Variants in MYO9A observed in about 807,000 individuals in gnomAD.
MYO9A encodes the protein myosin IXA, also known as unconventional myosin-IXa.
MYO9A carries 103 observed loss-of-function variants against 293.3 expected under a neutral mutation model. The ratio of observed to expected loss-of-function variants is 0.35; its 90% CI spans 0.30 to 0.41. The LOEUF is 0.41. Ranked by LOEUF, MYO9A falls within the 10% of genes least tolerant of loss-of-function variation. The pLI is 1.00. For missense variants in MYO9A, 2,685 were observed against 3,033.0 expected (o/e 0.89, Z 2.69); for synonymous variants, 1,001 against 1,035.7 (o/e 0.97, Z 0.64).
At chr15:71,978,379 T>A in intron 11 of MYO9A, 87 bp from the exon 12 acceptor site, 2 of 1,087,496 alleles carry the variant, frequency 1.8e-6, no homozygotes, top group South Asian at 1.9e-5. Flanking sequence ...TTACCCTGCT[T>A]AAAATTCTAA....
chr15:71,848,441 A>T (rs1243369824), intron 39 of MYO9A, among the ~76,000 whole-genome samples: 1 of 152,160 alleles, frequency 6.6e-6, no homozygotes. Flanking sequence ...GTTACAAATG[A>T]TTAAGTTCTC....
chr15:71,889,493 T>C (rs1486586766), intron 26 of MYO9A: 1 of 148,276 alleles, frequency 6.7e-6, no homozygotes, highest in Non-Finnish European at 1.5e-5. Context: ...TCTTGCTCTG[T>C]TGCTCAGGCT....
chr15:71,908,085 G>A (rs1472050362), intron 19 of MYO9A, among the ~76,000 whole-genome samples: 2 of 152,146 alleles, frequency 1.3e-5, no homozygotes, highest in Admixed American at 6.6e-5. Flanking sequence ...TAGGTCTAAC[G>A]TTTAAGTCTT....
chr15:71,865,241 T>C (rs1221661155), intron 32 of MYO9A, among the ~76,000 whole-genome samples: 1 of 152,150 alleles, frequency 6.6e-6, no homozygotes, highest in African/African-American at 2.4e-5. Flanking sequence ...TTGTCAGTTG[T>C]TTTCCTTGAA....
At chr15:72,115,454 T>C (rs1037982749) in intron 1 of MYO9A, among the ~76,000 whole-genome samples, 1 of 152,144 alleles carries the variant, frequency 6.6e-6, no homozygotes, top group East Asian at 1.9e-4. Context: ...CCCACCTCAG[T>C]GAAAGGCACA....
chr15:71,975,289 T>A (rs950044707), intron 12 of MYO9A, among the ~76,000 whole-genome samples: 1 of 135,642 alleles, frequency 7.4e-6, no homozygotes, highest in African/African-American at 2.7e-5. Flanking sequence ...GCGTGGCCTA[T>A]GACATGATTT....
At chr15:72,016,582 C>A (rs984350183) in intron 6 of MYO9A, among the ~76,000 whole-genome samples, 1 of 152,118 alleles carries the variant, frequency 6.6e-6, no homozygotes, top group African/African-American at 2.4e-5. Context: ...TCTAATAACT[C>A]ACAGGGAAAC....
chr15:71,989,293 C>T (rs2076479183), intron 11 of MYO9A, among the ~76,000 whole-genome samples: 1 of 152,166 alleles, frequency 6.6e-6, no homozygotes, highest in Non-Finnish European at 1.5e-5. Flanking sequence ...TTTGTATCTA[C>T]ACTCTGTACT....
rs898663589 is a variant in MYO9A at position 72,083,164 on chromosome 15, C to T, written c.-72+34516G>A. On this transcript the variant is annotated intron_variant, in intron 1 of 41. Transcript: ENST00000356056. Reference sequence around the variant, plus strand: ...CCATCTGGTCCTGGGCTTTTTTGCTCGATGGGCTATTTATTACTGATTCAA... The same window carrying T: ...CCATCTGGTCCTGGGCTTTTTTGCTTGATGGGCTATTTATTACTGATTCAA... Among the ~76,000 whole-genome samples, 7 of 151,864 alleles carry T rather than the reference C, an allele frequency of 4.6e-5. No individual in the cohort carries two copies. In the East Asian group the frequency reaches 9.6e-4, roughly 21 times the overall value.
At chr15:71,871,293 C>T (rs756107773) in intron 32 of MYO9A, among the ~76,000 whole-genome samples, 1 of 151,878 alleles carries the variant, frequency 6.6e-6, no homozygotes, top group Non-Finnish European at 1.5e-5. Flanking sequence ...GAGGACTGCT[C>T]GAGCCCAAGA....
chr15:72,067,189 T>C (rs568727992), intron 1 of MYO9A, among the ~76,000 whole-genome samples: 1 of 149,148 alleles, frequency 6.7e-6, no homozygotes, highest in Non-Finnish European at 1.5e-5. Context: ...ATTAATATTA[T>C]TACTATATAA....
chr15:71,898,149 C>A lies in MYO9A; in HGVS notation c.4354G>T (p.Gly1452Trp). 1 of 1,614,084 alleles carries A rather than the reference C, an allele frequency of 6.2e-7. No individual in the cohort carries two copies. Among genetic ancestry groups the A allele is most frequent in the Non-Finnish European group, 8.5e-7 (1 of 1,180,018 alleles). ...TTGATATCCAAAGTAAGAGCTTCCC[C>A]CGCTGTGTCTTCATTTTCCAATAGT... is the stretch of plus-strand genomic sequence containing the variant. ...NKLLENEDTAGEALTLDINRE... is the reference protein window; with the variant it reads ...NKLLENEDTAWEALTLDINRE... Residue 1452 changes from glycine to tryptophan, a missense_variant, in exon 25 of 42, where the codon GGG becomes TGG. By Grantham distance (184) the Gly-to-Trp change is radical. This residue lies in a region of MYO9A where 1,434 missense variants were observed against 1,497.7 expected (regional missense o/e 0.96). Transcript: ENST00000356056.
intron 32 of MYO9A, among the ~76,000 whole-genome samples, chr15:71,875,098 T>C (rs1303476496): frequency 1.3e-5 from 2 of 152,064 alleles, no homozygotes; most frequent in Non-Finnish European, 2.9e-5. Context: ...TTGCACAAAT[T>C]ATCATAAACC....
intron 1 of MYO9A, among the ~76,000 whole-genome samples, chr15:72,111,397 G>A (rs1336677940): frequency 2.7e-5 from 4 of 150,436 alleles, no homozygotes; most frequent in South Asian, 2.1e-4. Flanking sequence ...GCTGAGGCAC[G>A]AGAATCACTT....
intron 31 of MYO9A, among the ~76,000 whole-genome samples, chr15:71,876,655 C>T (rs1428101648): frequency 2.6e-5 from 4 of 151,752 alleles, no homozygotes; most frequent in East Asian, 1.9e-4. Context: ...AGTCTGGTCT[C>T]GATCTCCCGA....
intron 36 of MYO9A, among the ~76,000 whole-genome samples, chr15:71,851,810 T>G (rs1464185774): frequency 6.6e-6 from 1 of 152,192 alleles, no homozygotes; most frequent in Non-Finnish European, 1.5e-5. Flanking sequence ...GATTTCCAAT[T>G]TAAATGAACA....
intron 1 of MYO9A, among the ~76,000 whole-genome samples, chr15:72,047,057 A>G (rs1047475538): frequency 2.0e-5 from 3 of 152,236 alleles, no homozygotes; most frequent in African/African-American, 7.2e-5. Context: ...CAAAAACAAG[A>G]AAGCATCCCA....
intron 4 of MYO9A, among the ~76,000 whole-genome samples, chr15:72,023,686 ACT>A (rs1321480299): frequency 2.1e-5 from 3 of 141,692 alleles, no homozygotes; most frequent in African/African-American, 5.5e-5. Context: ...CAAGAATGAA[ACT>A]CTGTCTCAAA....
intron 1 of MYO9A, among the ~76,000 whole-genome samples, chr15:72,086,619 A>G (rs35167572): frequency 0.21 from 30,709 of 148,266 alleles, 3,342 homozygotes; most frequent in East Asian, 0.42. Flanking sequence ...CTGTGCACAC[A>G]CACCGGCAAA....
Sources: allele counts gnomAD v4.1 joint callset (sites outside exome capture counted in the v4.1 genomes callset), GRCh38; gene constraint gnomAD v4.1.1; regional missense constraint gnomAD v4.1.1; transcripts MANE v1.5; gene names NCBI Gene and HGNC (gene_info 2026-07-23, HGNC 2026-07-21).